Variants in ADCY2 observed in about 807,000 individuals in gnomAD.
ADCY2 encodes the protein adenylate cyclase type 2.
ADCY2 carries 31 observed loss-of-function variants against 125.2 expected under a neutral mutation model. That is an observed-to-expected ratio of 0.25 (90% CI 0.19 to 0.33). The LOEUF (loss-of-function observed/expected upper bound fraction) is 0.33, where lower values mean the gene tolerates loss of function less well. ADCY2 is among the 10% of genes least tolerant of loss of function. ADCY2 has a pLI of 1.00. For missense variants in ADCY2, 904 were observed against 1,418.2 expected, an observed-to-expected ratio of 0.64 and a Z score of 5.82; for synonymous variants, 512 against 548.4, an observed-to-expected ratio of 0.93 and a Z score of 0.93.
chr5:7,822,403 A>G (rs1195583224), intron 24 of ADCY2, among the ~76,000 whole-genome samples: 9 of 152,374 alleles, frequency 5.9e-5, no homozygotes, highest in South Asian at 2.1e-4. Context: ...GCTATCCTGA[A>G]GCTTGCTATC....
chr5:7,470,024 G>T (rs1415715912), intron 2 of ADCY2, among the ~76,000 whole-genome samples: 1 of 151,588 alleles, frequency 6.6e-6, no homozygotes, highest in Non-Finnish European at 1.5e-5. Context: ...TATTAATTTT[G>T]TGCATATTTT....
chr5:7,533,027 A>G lies in ADCY2; in HGVS notation c.570+12128A>G, dbSNP rs372232127. ...ATTTGATATGTATACATATATATGT[A>G]TATATGTATATAAACATTTGATATA... On this transcript the variant is annotated intron_variant, in intron 3 of 24. Transcript: ENST00000338316. Among the ~76,000 whole-genome samples the G allele has an allele frequency of 3.3e-4, 50 of 149,888 alleles. 1 individual carries two copies. In the South Asian group the frequency reaches 9.4e-3, roughly 28 times the overall value.
intron 3 of ADCY2, among the ~76,000 whole-genome samples, chr5:7,562,351 A>G (rs986896429): frequency 6.6e-6 from 1 of 152,010 alleles, no homozygotes; most frequent in Non-Finnish European, 1.5e-5. Flanking sequence ...AAACTCTGGG[A>G]AAGATATTAA....
intron 14 of ADCY2, among the ~76,000 whole-genome samples, chr5:7,742,001 A>G (rs573574519): frequency 2.2e-4 from 33 of 152,052 alleles, no homozygotes; most frequent in South Asian, 8.3e-4. Context: ...CTCCAAGAAG[A>G]TATCGTTCAT....
rs571515746 is a variant in ADCY2, at chr5:7,560,121, T to C, written c.570+39222T>C. On this transcript the variant is annotated intron_variant, in intron 3 of 24. Transcript: ENST00000338316. ...AGAGACAGTTATTCAAAACAGCAAA[T>C]TGAGTAAAAATAGCCCATTGCTGGA... 2.6e-5 allele frequency among the ~76,000 whole-genome samples: 4 copies of C among 152,228 alleles called. No homozygotes were observed. In the South Asian group the frequency reaches 8.3e-4, roughly 32 times the overall value.
At chr5:7,406,808 A>G (rs1739505303) in intron 1 of ADCY2, among the ~76,000 whole-genome samples, 1 of 151,814 alleles carries the variant, frequency 6.6e-6, no homozygotes, top group African/African-American at 2.4e-5. Flanking sequence ...AACTTATTCA[A>G]CCTCGTAATG....
At chr5:7,447,508 G>T (rs1319502101) in intron 2 of ADCY2, among the ~76,000 whole-genome samples, 1 of 152,188 alleles carries the variant, frequency 6.6e-6, no homozygotes, top group African/African-American at 2.4e-5. Flanking sequence ...TGGCTTCCAG[G>T]TCTGGTCAGG....
chr5:7,761,881 G>C (rs966659669), intron 16 of ADCY2, among the ~76,000 whole-genome samples: 1 of 152,186 alleles, frequency 6.6e-6, no homozygotes, highest in African/African-American at 2.4e-5. Context: ...GAGAACACCT[G>C]CCTTCAGCAA....
chr5:7,463,472 G>A (rs1458074559), intron 2 of ADCY2, among the ~76,000 whole-genome samples: 1 of 152,078 alleles, frequency 6.6e-6, no homozygotes, highest in Non-Finnish European at 1.5e-5. Context: ...CCAAAGAGGT[G>A]GTGTAATCAA....
chr5:7,547,494 G>A (rs549623858), intron 3 of ADCY2, among the ~76,000 whole-genome samples: 20 of 152,290 alleles, frequency 1.3e-4, no homozygotes, highest in Admixed American at 7.2e-4. Flanking sequence ...GCAGATGGGC[G>A]TGTCCGGGGA....
chr5:7,478,867 C>T (rs1742614308), intron 2 of ADCY2, among the ~76,000 whole-genome samples: 1 of 152,114 alleles, frequency 6.6e-6, no homozygotes, highest in South Asian at 2.1e-4. Flanking sequence ...TAGTAACAGT[C>T]TGTGATCCAG....
At chr5:7,399,166 T>C (rs530631822) in intron 1 of ADCY2, among the ~76,000 whole-genome samples, 5 of 152,206 alleles carry the variant, frequency 3.3e-5, no homozygotes, top group Non-Finnish European at 7.3e-5. Context: ...GCCTAAAATC[T>C]TGGACAGATT....
chr5:7,591,803 C>T (rs1579607861), intron 3 of ADCY2, among the ~76,000 whole-genome samples: 1 of 152,134 alleles, frequency 6.6e-6, no homozygotes, highest in East Asian at 1.9e-4. Context: ...TGAGTTTTTG[C>T]CAAGGACTAG....
rs1158241354 is a variant in ADCY2 at position 7,808,612 on chromosome 5, A to C, written c.2883+3920A>C. ...TTCTAGGGAAAACAAGTAGCCATAG[A>C]GTAGGGCTCAGACCTGGGTGTATCT... On this transcript the variant is annotated intron_variant, in intron 22 of 24. Coordinates refer to ENST00000338316, the MANE Select transcript of ADCY2 (RefSeq NM_020546.3). 2.6e-5 allele frequency among the ~76,000 whole-genome samples: 4 copies of C among 152,292 alleles called. No homozygotes were observed. The South Asian group carries it at 6.2e-4, about 24-fold the overall frequency.
At chr5:7,740,956 A>G (rs1742387935) in intron 14 of ADCY2, among the ~76,000 whole-genome samples, 1 of 152,066 alleles carries the variant, frequency 6.6e-6, no homozygotes, top group South Asian at 2.1e-4. Flanking sequence ...AAACTAATTA[A>G]TATAGAAAGA....
intron 1 of ADCY2, among the ~76,000 whole-genome samples, chr5:7,410,831 A>T (rs1241628316): frequency 6.6e-6 from 1 of 152,146 alleles, no homozygotes; most frequent in African/African-American, 2.4e-5. Flanking sequence ...ATTTTAAGCT[A>T]GTCTGTCTGT....
chr5:7,586,578 T>C (rs1736634247), intron 3 of ADCY2, among the ~76,000 whole-genome samples: 1 of 151,978 alleles, frequency 6.6e-6, no homozygotes, highest in Admixed American at 6.6e-5. Context: ...CATTTTCGAA[T>C]AGGAGACAAG....
At chr5:7,803,063 G>A (rs1026774107) in intron 21 of ADCY2, among the ~76,000 whole-genome samples, 3 of 152,110 alleles carry the variant, frequency 2.0e-5, no homozygotes, top group Admixed American at 6.6e-5. Flanking sequence ...TACATAACAC[G>A]GTGGTTTCAG....
intron 1 of ADCY2, among the ~76,000 whole-genome samples, chr5:7,409,809 T>C (rs1739642150): frequency 1.3e-5 from 2 of 152,210 alleles, no homozygotes; most frequent in Non-Finnish European, 2.9e-5. Flanking sequence ...TTACTTTTTT[T>C]CTCTGATTTT....
Sources: gnomAD v4.1 joint callset for allele counts (sites outside exome capture counted in the v4.1 genomes callset) on GRCh38, gnomAD v4.1.1 for gene constraint, MANE v1.5 for transcripts, NCBI Gene and HGNC (gene_info 2026-07-23, HGNC 2026-07-21) for gene names.